Variants in MXI1 observed in about 807,000 individuals in gnomAD.
The protein encoded by MXI1 is max-interacting protein 1.
A neutral mutation model predicts 36.9 loss-of-function variants in MXI1; 18 were observed. That is an observed-to-expected ratio of 0.49 (90% CI 0.34 to 0.72). MXI1 has a LOEUF of 0.72. MXI1 is among the 30% of genes least tolerant of loss of function. MXI1 has a pLI of 0.01. For missense variants in MXI1, 304 were observed against 379.1 expected, an observed-to-expected ratio of 0.80 and a Z score of 1.64; for synonymous variants, 160 against 146.7, an observed-to-expected ratio of 1.09 and a Z score of -0.65.
At chr10:110,221,452 C>G (rs1245883266) in intron 1 of MXI1, among the ~76,000 whole-genome samples, 3 of 152,154 alleles carry the variant, frequency 2.0e-5, no homozygotes, top group Non-Finnish European at 1.5e-5. Flanking sequence ...TCAGTAGCAC[C>G]CTGGTGTCAC....
chr10:110,237,378 T>C (rs1488491578), intron 2 of MXI1, among the ~76,000 whole-genome samples: 1 of 152,220 alleles, frequency 6.6e-6, no homozygotes, highest in Admixed American at 6.5e-5. Context: ...CCTTATTTGC[T>C]AAGAGTTTTT....
chr10:110,223,302 A>G (rs1573042), intron 1 of MXI1, among the ~76,000 whole-genome samples: 82,167 of 152,156 alleles, frequency 0.54, 25,972 homozygotes, highest in African/African-American at 0.85. Flanking sequence ...CCTCCTATTG[A>G]GAAAAGTAGA....
intron 3 of MXI1, chr10:110,245,634 C>A (rs1231564572): frequency 6.6e-6 from 1 of 152,086 alleles, no homozygotes; most frequent in East Asian, 1.9e-4. Context: ...TCTTGTCTAC[C>A]ATGCCCAAGA....
At chr10:110,268,904 A>G (rs914317271) in intron 3 of MXI1, among the ~76,000 whole-genome samples, 1 of 152,220 alleles carries the variant, frequency 6.6e-6, no homozygotes, top group Non-Finnish European at 1.5e-5. Flanking sequence ...TTATTTTTCC[A>G]GAGGTTGCAA....
chr10:110,269,408 A>G lies in MXI1; in HGVS notation c.438-9772A>G, dbSNP rs184590090. Among the ~76,000 whole-genome samples, 9 of 152,308 alleles carry G rather than the reference A, an allele frequency of 5.9e-5. No homozygotes were observed. The East Asian group carries it at 1.7e-3, about 29-fold the overall frequency. ...ATTTTCATTTTCTGCTTCTAGATGAACAGCTATATTACAAAGCATTCTTTA... is the reference window on the plus strand; with the variant it reads ...ATTTTCATTTTCTGCTTCTAGATGAGCAGCTATATTACAAAGCATTCTTTA... On this transcript the variant is annotated intron_variant, in intron 3 of 5. Transcript: ENST00000332674.
chr10:110,253,514 ACG>A (rs1361882627), intron 3 of MXI1, among the ~76,000 whole-genome samples: 1 of 152,128 alleles, frequency 6.6e-6, no homozygotes, highest in African/African-American at 2.4e-5. Context: ...GTTTTTTTAC[ACG>A]GTGTACACAT....
intron 1 of MXI1, among the ~76,000 whole-genome samples, chr10:110,222,753 C>T (rs962671881): frequency 6.6e-6 from 1 of 152,166 alleles, no homozygotes; most frequent in Admixed American, 6.5e-5. Context: ...ACTAGTTCAT[C>T]GGAACAAAAG....
intron 1 of MXI1, among the ~76,000 whole-genome samples, chr10:110,222,359 T>A (rs1247126756): frequency 2.6e-5 from 4 of 152,208 alleles, no homozygotes; most frequent in Non-Finnish European, 5.9e-5. Flanking sequence ...TTTGGACTTG[T>A]AACTTAACCT....
chr10:110,233,873 G>T (rs1013301009), intron 2 of MXI1, among the ~76,000 whole-genome samples: 4 of 152,160 alleles, frequency 2.6e-5, no homozygotes, highest in African/African-American at 7.2e-5. Flanking sequence ...AAGGAAACTT[G>T]TATGATCATG....
chr10:110,215,246 T>A (rs553954216), intron 1 of MXI1, among the ~76,000 whole-genome samples: 2 of 152,246 alleles, frequency 1.3e-5, no homozygotes, highest in African/African-American at 4.8e-5. Context: ...TTCACCATGC[T>A]GGCTAGGCTG....
intron 2 of MXI1, among the ~76,000 whole-genome samples, chr10:110,243,124 C>T (rs1252552666): frequency 6.6e-6 from 1 of 150,784 alleles, no homozygotes; most frequent in South Asian, 2.1e-4. Flanking sequence ...CAAAGATTAA[C>T]AAAATTTTAA....
chr10:110,240,269 G>C (rs1855624011), intron 2 of MXI1, among the ~76,000 whole-genome samples: 1 of 151,966 alleles, frequency 6.6e-6, no homozygotes, highest in African/African-American at 2.4e-5. Flanking sequence ...TATTGGCTTG[G>C]TATATGCCTG....
chr10:110,254,990 A>G (rs1223883140), intron 3 of MXI1, among the ~76,000 whole-genome samples: 2 of 152,000 alleles, frequency 1.3e-5, no homozygotes, highest in Non-Finnish European at 2.9e-5. Context: ...AGTAGACGAA[A>G]CCATCATCTA....
At chr10:110,279,388 AT>A in intron 4 of MXI1, 94 bp downstream of exon 4, 1 of 1,024,806 alleles carries the variant, frequency 9.8e-7, no homozygotes, top group Non-Finnish European at 1.5e-6. Flanking sequence ...CTAGTTCACC[AT>A]GCCCTCCTTA....
intron 1 of MXI1, 33 bp downstream of exon 1, chr10:110,208,115 C>G (rs548759492): frequency 1.3e-6 from 2 of 1,560,890 alleles, no homozygotes; most frequent in East Asian, 2.6e-5. Context: ...TTCCTCGGCG[C>G]CCGGTTCTTT....
intron 3 of MXI1, among the ~76,000 whole-genome samples, chr10:110,271,043 G>A (rs1856834964): frequency 6.6e-6 from 1 of 151,044 alleles, no homozygotes; most frequent in Admixed American, 6.6e-5. Flanking sequence ...AGTGAGCCGA[G>A]ATCGCGCCAC....
At chr10:110,219,936 AT>A (rs1284320606) in intron 1 of MXI1, among the ~76,000 whole-genome samples, 1 of 152,194 alleles carries the variant, frequency 6.6e-6, no homozygotes. Context: ...ATATGGCAGG[AT>A]TTAACATCCT....
At chr10:110,263,646 T>C (rs1297930517) in intron 3 of MXI1, among the ~76,000 whole-genome samples, 1 of 152,224 alleles carries the variant, frequency 6.6e-6, no homozygotes. Context: ...TGAGGTGTTG[T>C]TACCCTGTTC....
intron 1 of MXI1, among the ~76,000 whole-genome samples, chr10:110,224,332 C>G (rs146908367): frequency 6.6e-6 from 1 of 152,218 alleles, no homozygotes; most frequent in East Asian, 1.9e-4. Flanking sequence ...CTCCCTAGAT[C>G]CCTTGTTCCC....
Sources: gnomAD v4.1 joint callset for allele counts (sites outside exome capture counted in the v4.1 genomes callset) on GRCh38, gnomAD v4.1.1 for gene constraint, MANE v1.5 for transcripts, NCBI Gene and HGNC (gene_info 2026-07-23, HGNC 2026-07-21) for gene names.